KCNJ6: variants seen among roughly 807,000 people sequenced by gnomAD.
KCNJ6 encodes the protein G protein-activated inward rectifier potassium channel 2.
In KCNJ6, 9 loss-of-function variants were observed where a neutral mutation model predicts 34.2. The observed-to-expected ratio is 0.26, with a 90% CI of 0.16 to 0.46. KCNJ6 has a LOEUF of 0.46. Among genes scored for constraint, KCNJ6 ranks in the 20% least tolerant of loss-of-function variants. The pLI, the probability that KCNJ6 is intolerant of heterozygous loss-of-function variation, is 1.00. For missense variants in KCNJ6, 236 were observed against 531.3 expected, an observed-to-expected ratio of 0.44 and a Z score of 5.46; for synonymous variants, 196 against 207.1, an observed-to-expected ratio of 0.95 and a Z score of 0.46.
At chr21:37,866,947 T>C (rs967736983) in intron 1 of KCNJ6, among the ~76,000 whole-genome samples, 1 of 152,250 alleles carries the variant, frequency 6.6e-6, no homozygotes, top group Admixed American at 6.5e-5. Flanking sequence ...TTACAATCTC[T>C]AAATTGTAGA....
At chr21:37,638,676 G>A (rs1002601479) in intron 3 of KCNJ6, among the ~76,000 whole-genome samples, 1 of 152,004 alleles carries the variant, frequency 6.6e-6, no homozygotes, top group African/African-American at 2.4e-5. Flanking sequence ...CACACAAATG[G>A]TGTTTATTCT....
intron 3 of KCNJ6, among the ~76,000 whole-genome samples, chr21:37,699,293 C>T (rs754671616): frequency 5.3e-5 from 8 of 152,188 alleles, no homozygotes; most frequent in African/African-American, 1.7e-4. Flanking sequence ...ATTGAGTACA[C>T]CTCAGCTTCG....
At chr21:37,785,129 GC>G (rs762353541) in intron 2 of KCNJ6, among the ~76,000 whole-genome samples, 4 of 152,168 alleles carry the variant, frequency 2.6e-5, no homozygotes, top group Non-Finnish European at 5.9e-5. Context: ...GAACAATGTT[GC>G]CTGAGATTCC....
chr21:37,773,135 T>C (rs887672570), intron 2 of KCNJ6, among the ~76,000 whole-genome samples: 3 of 152,204 alleles, frequency 2.0e-5, no homozygotes, highest in Non-Finnish European at 4.4e-5. Flanking sequence ...TAACTGTTTG[T>C]GGATGATGAT....
At chr21:37,870,552 CA>C (rs1319367336) in intron 1 of KCNJ6, among the ~76,000 whole-genome samples, 2 of 151,228 alleles carry the variant, frequency 1.3e-5, no homozygotes, top group Non-Finnish European at 2.9e-5. Flanking sequence ...TGAGATATTT[CA>C]GACAGTACAT....
At chr21:37,689,003 C>A (rs2054627682) in intron 3 of KCNJ6, among the ~76,000 whole-genome samples, 1 of 152,080 alleles carries the variant, frequency 6.6e-6, no homozygotes, top group African/African-American at 2.4e-5. Context: ...GTGCATATAT[C>A]ATTGGTGATA....
chr21:37,619,247 A>C lies in KCNJ6; in HGVS notation c.*5912T>G, dbSNP rs1421584674. On this transcript the variant is annotated 3_prime_UTR_variant, in exon 4 of 4. Transcript: ENST00000609713. ...TTGGCTGACTACCTCTGGCATTAGA[A>C]ATGCTTCCTTAGAAGACAAGGGAGT... is the stretch of plus-strand genomic sequence containing the variant. 6.6e-6 allele frequency: 1 copy of C among 152,208 alleles called. No individual in the cohort carries two copies. Among genetic ancestry groups the C allele is most frequent in the Non-Finnish European group, 1.5e-5 (1 of 68,036 alleles). The allele number at this position is 152,208 out of a possible 1,614,324, so 9.4% of individuals were successfully genotyped here. A position where few individuals can be genotyped will look rare whatever the true frequency, so the allele number is the denominator to read the frequency against.
intron 2 of KCNJ6, among the ~76,000 whole-genome samples, chr21:37,749,099 A>C (rs1601451939): frequency 6.6e-6 from 1 of 152,218 alleles, no homozygotes; most frequent in Non-Finnish European, 1.5e-5. Context: ...TTGATGGGAG[A>C]CACTAATTTT....
intron 2 of KCNJ6, among the ~76,000 whole-genome samples, chr21:37,822,206 C>A (rs2055376104): frequency 2.0e-5 from 3 of 152,158 alleles, no homozygotes; most frequent in African/African-American, 7.2e-5. Flanking sequence ...CCTTGTCATG[C>A]TAGGAGCTGG....
chr21:37,707,713 G>GTGTGTGTGTGTGTGTGTGTGTGTGTGTA (rs1569449127), intron 3 of KCNJ6, among the ~76,000 whole-genome samples: 55 of 147,888 alleles, frequency 3.7e-4, no homozygotes, highest in South Asian at 1.1e-3. Context: ...TAGCTGTTTA[G>GTGTGTGTGTGTGTGTGTGTGTGTGTGTA]TATCTGTGCA....
At chr21:37,808,250 A>C (rs548857835) in intron 2 of KCNJ6, among the ~76,000 whole-genome samples, 1 of 152,376 alleles carries the variant, frequency 6.6e-6, no homozygotes, top group Non-Finnish European at 1.5e-5. Flanking sequence ...TAAAAGTGTC[A>C]ATCATAACAT....
chr21:37,896,177 G>A (rs952973540), intron 1 of KCNJ6, among the ~76,000 whole-genome samples: 7 of 152,152 alleles, frequency 4.6e-5, no homozygotes, highest in South Asian at 2.1e-4. Flanking sequence ...TAAACAACCC[G>A]ATCTCGTAAG....
intron 2 of KCNJ6, among the ~76,000 whole-genome samples, chr21:37,731,100 AGTGTGTGTGTGTG>A (rs869074990): frequency 1.5e-5 from 2 of 134,674 alleles, no homozygotes; most frequent in South Asian, 2.3e-4. Context: ...AGATGAGAGA[AGTGTGTGTGTGTG>A]TGTGTGTGTG....
chr21:37,811,447 CTGA>C (rs1353174654), intron 2 of KCNJ6, among the ~76,000 whole-genome samples: 1 of 152,096 alleles, frequency 6.6e-6, no homozygotes, highest in Non-Finnish European at 1.5e-5. Flanking sequence ...TCTTGAGGGG[CTGA>C]TGCCTTAACT....
intron 2 of KCNJ6, among the ~76,000 whole-genome samples, chr21:37,821,553 C>T (rs768125696): frequency 6.6e-6 from 1 of 152,122 alleles, no homozygotes; most frequent in Non-Finnish European, 1.5e-5. Flanking sequence ...CCCCTGCCCC[C>T]CCAACAGGCC....
At chr21:37,655,737 G>GC (rs11384387) in intron 3 of KCNJ6, among the ~76,000 whole-genome samples, 22,092 of 152,080 alleles carry the variant, frequency 0.15, 2,469 homozygotes, top group African/African-American at 0.31. Context: ...CTCTGTGTCA[G>GC]CATGACTCCC....
At chr21:37,892,983 GCT>G (rs1225861863) in intron 1 of KCNJ6, among the ~76,000 whole-genome samples, 1 of 151,414 alleles carries the variant, frequency 6.6e-6, no homozygotes, top group Admixed American at 6.6e-5. Context: ...CTCCCGAGTA[GCT>G]GGGACTACAG....
In KCNJ6 at chr21:37,773,777, G is replaced by C. The variant is rs1220857519; in HGVS notation, c.26-58646C>G. The stretch of plus-strand genomic sequence containing the variant: ...ATTCTCTTATAGTCCTAGGATTACT[G>C]TTATTCCATCCCTCCTGAGTTCTCC... On this transcript the variant is annotated intron_variant, in intron 2 of 3. Transcript: ENST00000609713. Among the ~76,000 whole-genome samples the C allele has an allele frequency of 1.3e-5, 2 of 152,114 alleles. 1 individual carries two copies. The highest frequency in any genetic ancestry group is 6.3e-3 in the Middle Eastern group (2 of 316).
chr21:37,855,738 G>A (rs1452712104), intron 1 of KCNJ6, among the ~76,000 whole-genome samples: 3 of 152,174 alleles, frequency 2.0e-5, no homozygotes, highest in Non-Finnish European at 4.4e-5. Context: ...GCCGAGCCAA[G>A]AAACTCAGTT....
Sources: gnomAD v4.1 joint callset for allele counts (sites outside exome capture counted in the v4.1 genomes callset) on GRCh38, gnomAD v4.1.1 for gene constraint, MANE v1.5 for transcripts, NCBI Gene and HGNC (gene_info 2026-07-23, HGNC 2026-07-21) for gene names.